Variants in NT5DC3 observed in about 807,000 individuals in gnomAD.
NT5DC3 encodes 5'-nucleotidase domain containing 3, also known as 5'-nucleotidase domain-containing protein 3.
NT5DC3 carries 42 observed loss-of-function variants against 67.8 expected under a neutral mutation model. The ratio of observed to expected loss-of-function variants is 0.62; its 90% CI spans 0.48 to 0.80. The LOEUF is 0.80. Ranked by LOEUF, NT5DC3 falls within the 30% of genes least tolerant of loss-of-function variation. The pLI is 0.00. For missense variants in NT5DC3, 570 were observed against 696.4 expected, an observed-to-expected ratio of 0.82 and a Z score of 2.04; for synonymous variants, 237 against 255.6, an observed-to-expected ratio of 0.93 and a Z score of 0.69.
chr12:103,818,576 A>T (rs1438111613), intron 1 of NT5DC3, among the ~76,000 whole-genome samples: 1 of 152,058 alleles, frequency 6.6e-6, no homozygotes, highest in Non-Finnish European at 1.5e-5. Context: ...GGGTTTCACC[A>T]TGTTGGCCAG....
Position 103,841,206 on chromosome 12 carries a change from C to G in NT5DC3, c.-50G>C. The G allele has an allele frequency of 1.8e-6, 1 of 560,936 alleles. No individual in the cohort carries two copies. Among genetic ancestry groups the G allele is most frequent in the Non-Finnish European group, 3.1e-6 (1 of 323,550 alleles). The allele number at this position is 560,936 out of a possible 1,614,324, so 34.7% of individuals were successfully genotyped here. ...CCGCCGCGCCGCTCTGCGACTGCTG[C>G]TGCCCGGCCCAAGATCTACCCGCGC... On this transcript the variant is annotated 5_prime_UTR_variant, in exon 1 of 14. Coordinates refer to ENST00000392876, the MANE Select transcript of NT5DC3 (RefSeq NM_001031701.3).
intron 2 of NT5DC3, among the ~76,000 whole-genome samples, chr12:103,814,041 C>A (rs948675092): frequency 1.3e-5 from 2 of 152,192 alleles, no homozygotes; most frequent in Non-Finnish European, 2.9e-5. Context: ...CAGACACACT[C>A]AATGTCTAAG....
At chr12:103,821,351 C>T (rs1887482532) in intron 1 of NT5DC3, among the ~76,000 whole-genome samples, 1 of 152,210 alleles carries the variant, frequency 6.6e-6, no homozygotes, top group African/African-American at 2.4e-5. Flanking sequence ...CCTCTCCTCC[C>T]CAACATTCAA....
intron 13 of NT5DC3, 132 bp from the exon 14 acceptor site, chr12:103,778,213 G>A: frequency 1.1e-6 from 1 of 948,242 alleles, no homozygotes. Flanking sequence ...TGTTAGCCTA[G>A]AGCAGCCCCA....
chr12:103,795,357 C>G (rs997878318), intron 6 of NT5DC3, among the ~76,000 whole-genome samples: 2 of 152,154 alleles, frequency 1.3e-5, no homozygotes. Context: ...AAGCTCTACA[C>G]AAGTATTTGC....
At chr12:103,762,208 CAAGG>C in the NT5DC3 span, 1 of 1,594,160 alleles carries the variant, frequency 6.3e-7, no homozygotes. Context: ...CTCGGGCCAC[CAAGG>C]GTTCCCCTTT....
the NT5DC3 span, chr12:103,753,483 G>C: frequency 8.1e-7 from 1 of 1,240,142 alleles, no homozygotes; most frequent in Non-Finnish European, 1.1e-6. Context: ...CTGGAACAAT[G>C]CTAACAGTCA....
intron 5 of NT5DC3, 59 bp from the exon 6 acceptor site, chr12:103,797,090 A>T (rs1038845683): frequency 3.3e-5 from 52 of 1,588,734 alleles, no homozygotes; most frequent in Non-Finnish European, 4.4e-5. Flanking sequence ...GGACAGAGCC[A>T]CGAAGCACCA....
chr12:103,748,390 T>C, the NT5DC3 span, among the ~76,000 whole-genome samples: 2 of 152,120 alleles, frequency 1.3e-5, no homozygotes, highest in Non-Finnish European at 2.9e-5. Flanking sequence ...AAACAAAGGT[T>C]CTAAGAGGCA....
chr12:103,747,107 C>T, the NT5DC3 span, among the ~76,000 whole-genome samples: 2 of 152,002 alleles, frequency 1.3e-5, no homozygotes, highest in Non-Finnish European at 2.9e-5. Context: ...CAGGCATGCG[C>T]CACCGCACCT....
At chr12:103,813,394 A>G (rs1305350927) in intron 2 of NT5DC3, among the ~76,000 whole-genome samples, 1 of 152,248 alleles carries the variant, frequency 6.6e-6, no homozygotes, top group African/African-American at 2.4e-5. Context: ...TACATCTAGT[A>G]AAGTGGCCAT....
intron 4 of NT5DC3, among the ~76,000 whole-genome samples, chr12:103,801,368 TGGG>T (rs1566111972): frequency 7.8e-6 from 1 of 127,906 alleles, no homozygotes; most frequent in East Asian, 2.2e-4. Context: ...TGCTTTGGGG[TGGG>T]CTTTTTTTTT....
rs1470788486 is a variant in NT5DC3 at position 103,778,172 on chromosome 12, A to T, written c.1395-91T>A. 8.0e-5 allele frequency: 105 copies of T among 1,310,572 alleles called. No homozygotes were observed. In the East Asian group the frequency reaches 1.2e-3, roughly 14 times the overall value. 81.2% of individuals were successfully genotyped at this position (1,310,572 alleles called of 1,614,324 possible). ...GAAATCAAAATCACTTCTTTTTTTA[A>T]AAAAAAAAAATAGGACTCATTTGAG... On this transcript the variant is annotated intron_variant, in intron 13 of 13. Transcript: ENST00000392876.
chr12:103,811,071 G>A (rs543227055), intron 2 of NT5DC3, among the ~76,000 whole-genome samples: 10 of 152,264 alleles, frequency 6.6e-5, no homozygotes, highest in African/African-American at 1.9e-4. Context: ...CAGAACTCAC[G>A]GATGCAGATG....
At chr12:103,801,540 G>T (rs969045270) in intron 4 of NT5DC3, among the ~76,000 whole-genome samples, 1 of 151,618 alleles carries the variant, frequency 6.6e-6, no homozygotes, top group Non-Finnish European at 1.5e-5. Context: ...CCACCACCAC[G>T]CCCGGCTAAT....
At chr12:103,838,078 C>T (rs764151835) in intron 1 of NT5DC3, among the ~76,000 whole-genome samples, 11 of 152,148 alleles carry the variant, frequency 7.2e-5, no homozygotes, top group Non-Finnish European at 1.3e-4. Flanking sequence ...TCTTACATGG[C>T]GGCAGCAAGA....
intron 1 of NT5DC3, among the ~76,000 whole-genome samples, chr12:103,821,560 GT>G (rs1004869753): frequency 1.1e-4 from 17 of 152,174 alleles, no homozygotes; most frequent in African/African-American, 3.9e-4. Context: ...TTCTGGATTT[GT>G]AAGGGAATTT....
At chr12:103,819,123 C>T (rs1006108232) in intron 1 of NT5DC3, among the ~76,000 whole-genome samples, 2 of 152,170 alleles carry the variant, frequency 1.3e-5, no homozygotes, top group African/African-American at 4.8e-5. Flanking sequence ...AGCACATCTC[C>T]AAAAGCTGCA....
chr12:103,816,266 A>G (rs1481096018), intron 1 of NT5DC3, among the ~76,000 whole-genome samples: 5 of 152,254 alleles, frequency 3.3e-5, no homozygotes, highest in African/African-American at 7.2e-5. Context: ...CCCTAATCAA[A>G]AAGTCCGAAA....
Sources: gnomAD v4.1 joint callset for allele counts (sites outside exome capture counted in the v4.1 genomes callset) on GRCh38, gnomAD v4.1.1 for gene constraint, MANE v1.5 for transcripts, NCBI Gene and HGNC (gene_info 2026-07-23, HGNC 2026-07-21) for gene names.